Variants in CSNK1G2 observed in about 807,000 individuals in gnomAD.
The protein encoded by CSNK1G2 is casein kinase I isoform gamma-2.
A neutral mutation model predicts 48.0 loss-of-function variants in CSNK1G2; 11 were observed. That is an observed-to-expected ratio of 0.23 (90% CI 0.14 to 0.38). The LOEUF (loss-of-function observed/expected upper bound fraction) is 0.38, where lower values mean the gene tolerates loss of function less well. Ranked by LOEUF, CSNK1G2 falls within the 10% of genes least tolerant of loss-of-function variation. The pLI, the probability that CSNK1G2 is intolerant of heterozygous loss-of-function variation, is 1.00. For missense variants in CSNK1G2, 446 were observed against 595.5 expected, an observed-to-expected ratio of 0.75 and a Z score of 2.61; for synonymous variants, 337 against 254.1, an observed-to-expected ratio of 1.33 and a Z score of -3.10.
intron 2 of CSNK1G2, among the ~76,000 whole-genome samples, chr19:1,974,247 C>T (rs947507996): frequency 7.9e-5 from 12 of 152,212 alleles, no homozygotes; most frequent in African/African-American, 2.6e-4. Context: ...GGCTGGTGAG[C>T]CCCAGATTGA....
chr19:1,953,867 C>T (rs765806403), intron 1 of CSNK1G2: 33 of 533,212 alleles, frequency 6.2e-5, no homozygotes, highest in Admixed American at 4.9e-4. Flanking sequence ...TTGCTGATGG[C>T]GACCTGTGAC....
intron 1 of CSNK1G2, among the ~76,000 whole-genome samples, chr19:1,967,860 C>T (rs1444385774): frequency 4.8e-5 from 2 of 41,874 alleles, no homozygotes; most frequent in African/African-American, 2.1e-4. Context: ...CCTCCCTCCT[C>T]CCTTCTCCCC....
At chr19:1,962,056 G>A (rs561322251) in intron 1 of CSNK1G2, among the ~76,000 whole-genome samples, 4 of 152,346 alleles carry the variant, frequency 2.6e-5, no homozygotes, top group Admixed American at 6.5e-5. Context: ...CTGGCCAGGC[G>A]CGGTGGCTCA....
intron 1 of CSNK1G2, among the ~76,000 whole-genome samples, chr19:1,955,150 C>G (rs964789297): frequency 6.6e-6 from 1 of 152,122 alleles, no homozygotes; most frequent in South Asian, 2.1e-4. Context: ...GAGTGGTGAC[C>G]GCCTCCAGGG....
intron 2 of CSNK1G2, among the ~76,000 whole-genome samples, chr19:1,973,428 G>A (rs1568201176): frequency 6.7e-6 from 1 of 150,066 alleles, no homozygotes. Context: ...TGCCATGTTG[G>A]CAAACTCCTG....
chr19:1,969,517 G>C lies in CSNK1G2; in HGVS notation c.-256G>C, dbSNP rs2015493212. The C allele has an allele frequency of 6.3e-6, 2 of 317,004 alleles. No individual in the cohort carries two copies. The highest frequency in any genetic ancestry group is 1.1e-5 in the Non-Finnish European group (2 of 174,488). 19.6% of individuals were successfully genotyped at this position (317,004 alleles called of 1,614,324 possible). A position where few individuals can be genotyped will look rare whatever the true frequency, so the allele number is the denominator to read the frequency against. ...CTCTGTTTCTCTGCAGCTGTGAGCCGTGAGCTTTGAGGCGGTGGGATGTGT... is the reference window on the plus strand; with the variant it reads ...CTCTGTTTCTCTGCAGCTGTGAGCCCTGAGCTTTGAGGCGGTGGGATGTGT... On this transcript the variant is annotated 5_prime_UTR_variant, in exon 2 of 12. Coordinates refer to ENST00000255641, the MANE Select transcript of CSNK1G2 (RefSeq NM_001319.7).
rs1183520732 is a variant in CSNK1G2, at chr19:1,957,523, C to G, written c.-265-11985C>G. ...GGAGGGACAGTGAGCGCAGGCACCTCTCTCTCCACTTCATGTTTGTCCTCA... is the reference window on the plus strand; with the variant it reads ...GGAGGGACAGTGAGCGCAGGCACCTGTCTCTCCACTTCATGTTTGTCCTCA... On this transcript the variant is annotated intron_variant, in intron 1 of 11. Coordinates refer to ENST00000255641, the MANE Select transcript of CSNK1G2 (RefSeq NM_001319.7). This position sits in a 1 kb window ranked among gnomAD's most constrained non-coding sequence, Gnocchi z 5.4. 6.6e-6 allele frequency among the ~76,000 whole-genome samples: 1 copy of G among 152,192 alleles called. No homozygotes were observed. Among genetic ancestry groups the G allele is most frequent in the Non-Finnish European group, 1.5e-5 (1 of 68,020 alleles).
intron 2 of CSNK1G2, among the ~76,000 whole-genome samples, chr19:1,971,386 G>A (rs1365873993): frequency 6.6e-6 from 1 of 152,240 alleles, no homozygotes; most frequent in African/African-American, 2.4e-5. Flanking sequence ...GACGGCCTGT[G>A]GCTCAGGAGG....
intron 1 of CSNK1G2, among the ~76,000 whole-genome samples, chr19:1,960,649 A>G (rs1249766001): frequency 6.6e-6 from 1 of 152,122 alleles, no homozygotes; most frequent in Non-Finnish European, 1.5e-5. Flanking sequence ...GCACTTTGGG[A>G]GGCTAAGGTG....
chr19:1,947,439 C>T (rs762361095), intron 1 of CSNK1G2, among the ~76,000 whole-genome samples: 2 of 152,374 alleles, frequency 1.3e-5, no homozygotes, highest in South Asian at 4.1e-4. Context: ...TCATCCTGTC[C>T]GCGGCAGTTG....
chr19:1,979,110 C>G lies in CSNK1G2; in HGVS notation c.682+17C>G. The G allele has an allele frequency of 2.5e-6, 4 of 1,580,712 alleles. No individual in the cohort carries two copies. The highest frequency in any genetic ancestry group is 3.4e-6 in the Non-Finnish European group (4 of 1,167,984). On this transcript the variant is annotated intron_variant, in intron 6 of 11. Coordinates refer to ENST00000255641, the MANE Select transcript of CSNK1G2 (RefSeq NM_001319.7). ...TGGGCAAGGGTGAGCTGCGCGCGCG[C>G]GGCGGGGGGCGGGCGCCCGGACCCC...
Position 1,980,401 on chromosome 19 carries a change from T to C in CSNK1G2, c.*198T>C, listed in dbSNP as rs751369972. 7.6e-6 allele frequency: 5 copies of C among 657,494 alleles called. No individual in the cohort carries two copies. Among genetic ancestry groups the C allele is most frequent in the South Asian group, 3.4e-5 (2 of 59,068 alleles). 40.7% of individuals were successfully genotyped at this position (657,494 alleles called of 1,614,324 possible). ...GGGTCACTTCCTTCATGTAAGACTTTGGCCGAAATTTCTACACCTGTGTCT... is the reference window on the plus strand; with the variant it reads ...GGGTCACTTCCTTCATGTAAGACTTCGGCCGAAATTTCTACACCTGTGTCT... On this transcript the variant is annotated 3_prime_UTR_variant, in exon 12 of 12. Coordinates refer to ENST00000255641, the MANE Select transcript of CSNK1G2 (RefSeq NM_001319.7).
At chr19:1,948,184 C>T (rs2014633544) in intron 1 of CSNK1G2, among the ~76,000 whole-genome samples, 1 of 152,234 alleles carries the variant, frequency 6.6e-6, no homozygotes, top group South Asian at 2.1e-4. Flanking sequence ...CTCCCCCTCT[C>T]ATCCCCAGGG....
Position 1,978,514 on chromosome 19 carries a change from A to AC in CSNK1G2, c.298+5dup. ...CTACAAGCAGCTCAGCGCCACAGGTACCGGGCGGCCCGCGGGTGGGGCGGG... is the reference window on the plus strand; with the variant it reads ...CTACAAGCAGCTCAGCGCCACAGGTACCCGGGCGGCCCGCGGGTGGGGCGGG... On this transcript the variant is annotated splice_donor_region_variant and intron_variant, in intron 4 of 11. Coordinates refer to ENST00000255641, the MANE Select transcript of CSNK1G2 (RefSeq NM_001319.7). This position sits in a 1 kb window ranked among gnomAD's most constrained non-coding sequence, Gnocchi z 7.3. 1 of 1,580,780 alleles carries AC rather than the reference A, an allele frequency of 6.3e-7. No homozygotes were observed. Among genetic ancestry groups the AC allele is most frequent in the Non-Finnish European group, 8.6e-7 (1 of 1,164,530 alleles).
intron 1 of CSNK1G2, among the ~76,000 whole-genome samples, chr19:1,963,240 TTTTG>T (rs1039247887): frequency 6.6e-6 from 1 of 152,046 alleles, no homozygotes; most frequent in Non-Finnish European, 1.5e-5. Flanking sequence ...CATTGATTCT[TTTTG>T]TTTGTTTTTG....
chr19:1,949,213 C>T (rs139965736), intron 1 of CSNK1G2, among the ~76,000 whole-genome samples: 5 of 152,326 alleles, frequency 3.3e-5, no homozygotes, highest in Non-Finnish European at 5.9e-5. Flanking sequence ...AAAGGGAGCC[C>T]TGGCCCCATC....
At chr19:1,970,638 C>A (rs2015536152) in intron 2 of CSNK1G2, among the ~76,000 whole-genome samples, 1 of 152,288 alleles carries the variant, frequency 6.6e-6, no homozygotes, top group South Asian at 2.1e-4. Context: ...GGGGCCGTTC[C>A]CAGTCTGTGA....
At chr19:1,977,935 G>A (rs1040960706) in intron 2 of CSNK1G2, among the ~76,000 whole-genome samples, 6 of 152,060 alleles carry the variant, frequency 3.9e-5, no homozygotes, top group Admixed American at 2.0e-4. Context: ...CGAGGGCCTC[G>A]GGCATGTGGG....
chr19:1,971,359 A>T (rs1568199622), intron 2 of CSNK1G2, among the ~76,000 whole-genome samples: 1 of 152,136 alleles, frequency 6.6e-6, no homozygotes, highest in Non-Finnish European at 1.5e-5. Flanking sequence ...TGGGCCACGA[A>T]GCCTCACTGC....
Sources: allele counts gnomAD v4.1 joint callset (sites outside exome capture counted in the v4.1 genomes callset), GRCh38; gene constraint gnomAD v4.1.1; non-coding constraint Gnocchi (gnomAD v3.1); transcripts MANE v1.5; gene names NCBI Gene and HGNC (gene_info 2026-07-23, HGNC 2026-07-21).